SASH1: variants seen among roughly 807,000 people sequenced by gnomAD.
SASH1 encodes SAM and SH3 domain containing 1.
A neutral mutation model predicts 125.2 loss-of-function variants in SASH1; 44 were observed. The observed-to-expected ratio is 0.35, with a 90% CI of 0.28 to 0.45. The LOEUF (loss-of-function observed/expected upper bound fraction) is 0.45. SASH1 is among the 20% of genes least tolerant of loss of function. The probability of loss-of-function intolerance (pLI) is 1.00; values close to 1 mark genes in which losing one functional copy is unlikely to be tolerated. For missense variants in SASH1, 1,426 were observed against 1,614.5 expected, an observed-to-expected ratio of 0.88 and a Z score of 2.00; for synonymous variants, 639 against 649.1, an observed-to-expected ratio of 0.98 and a Z score of 0.24.
chr6:148,352,227 G>A (rs774336363), intron 1 of SASH1, among the ~76,000 whole-genome samples: 3 of 152,138 alleles, frequency 2.0e-5, no homozygotes, highest in Non-Finnish European at 4.4e-5. Context: ...TAATTATTCT[G>A]TACCTCAGTT....
At chr6:148,370,075 C>G (rs1025746375) in intron 1 of SASH1, among the ~76,000 whole-genome samples, 4 of 141,166 alleles carry the variant, frequency 2.8e-5, no homozygotes, top group African/African-American at 7.9e-5. Context: ...TTGTTAATAA[C>G]AAATAGCATT....
At chr6:148,542,517 G>C (rs962598269) in intron 17 of SASH1, among the ~76,000 whole-genome samples, 3 of 152,166 alleles carry the variant, frequency 2.0e-5, no homozygotes, top group Non-Finnish European at 4.4e-5. Flanking sequence ...CTCCCGAGTA[G>C]CTGGGACTAC....
At chr6:148,444,805 A>G (rs1428333081) in intron 4 of SASH1, among the ~76,000 whole-genome samples, 1 of 152,244 alleles carries the variant, frequency 6.6e-6, no homozygotes, top group East Asian at 1.9e-4. Flanking sequence ...AAGCAAGTTT[A>G]TCAGAGAAGT....
chr6:148,412,726 A>G (rs561120680), intron 2 of SASH1, among the ~76,000 whole-genome samples: 53 of 152,262 alleles, frequency 3.5e-4, no homozygotes, highest in Non-Finnish European at 5.7e-4. Flanking sequence ...ATCCACCCCC[A>G]TGACCCAAAC....
intron 2 of SASH1, among the ~76,000 whole-genome samples, chr6:148,417,390 T>C (rs1021216819): frequency 4.0e-5 from 6 of 151,880 alleles, no homozygotes; most frequent in African/African-American, 1.5e-4. Context: ...ATTGAGACCA[T>C]CCTGGCCAAC....
chr6:148,355,887 A>G (rs111388518), intron 1 of SASH1, among the ~76,000 whole-genome samples: 89 of 152,218 alleles, frequency 5.8e-4, no homozygotes, highest in African/African-American at 1.7e-3. Flanking sequence ...AAAAATTTCA[A>G]TAGTTTTTGG....
chr6:148,501,257 C>G (rs2115268435), intron 8 of SASH1, among the ~76,000 whole-genome samples: 1 of 152,216 alleles, frequency 6.6e-6, no homozygotes, highest in African/African-American at 2.4e-5. Context: ...GTCATCGTGC[C>G]TGATACATGA....
At chr6:148,200,020 C>T in the SASH1 span, among the ~76,000 whole-genome samples, 2 of 152,130 alleles carry the variant, frequency 1.3e-5, no homozygotes, top group African/African-American at 4.8e-5. Flanking sequence ...TCATCTGCGA[C>T]CCTTGATGGA....
At chr6:148,290,329 G>T (rs1032576863) in intron 1 of SASH1, among the ~76,000 whole-genome samples, 2 of 151,654 alleles carry the variant, frequency 1.3e-5, no homozygotes, top group African/African-American at 2.4e-5. Context: ...GTTCTTGGCC[G>T]GGCGCGGTGG....
chr6:148,199,375 G>GAA, the SASH1 span, among the ~76,000 whole-genome samples: 1,115 of 123,544 alleles, frequency 9.0e-3, 7 homozygotes, highest in Non-Finnish European at 0.014. Flanking sequence ...TCCGTCTCAA[G>GAA]AAAAAAAAAA....
At chr6:148,313,293 C>T (rs1447927797) in intron 1 of SASH1, among the ~76,000 whole-genome samples, 1 of 152,150 alleles carries the variant, frequency 6.6e-6, no homozygotes, top group Non-Finnish European at 1.5e-5. Flanking sequence ...GGAGAAAATT[C>T]ATTAAGTGCA....
chr6:148,397,373 C>A (rs1784000075), intron 2 of SASH1, among the ~76,000 whole-genome samples: 1 of 152,024 alleles, frequency 6.6e-6, no homozygotes, highest in African/African-American at 2.4e-5. Flanking sequence ...GTAGTCCCAG[C>A]TACTTGGAGG....
chr6:148,274,536 G>C (rs559933210), intron 1 of SASH1, among the ~76,000 whole-genome samples: 1 of 152,146 alleles, frequency 6.6e-6, no homozygotes, highest in African/African-American at 2.4e-5. Context: ...AGCACATTTG[G>C]GTTTTTGTGC....
At chr6:148,259,506 C>T in the SASH1 span, among the ~76,000 whole-genome samples, 1 of 152,210 alleles carries the variant, frequency 6.6e-6, no homozygotes, top group Admixed American at 6.5e-5. Flanking sequence ...CCACGAAGAG[C>T]ATTCGGTCCT....
chr6:148,357,357 T>C (rs1167959622), intron 1 of SASH1, among the ~76,000 whole-genome samples: 1 of 152,198 alleles, frequency 6.6e-6, no homozygotes, highest in Non-Finnish European at 1.5e-5. Flanking sequence ...TCCAAACTCA[T>C]CTGTTTTACC....
At chr6:148,273,944 AT>A in intron 1 of SASH1, among the ~76,000 whole-genome samples, 1 of 152,348 alleles carries the variant, frequency 6.6e-6, no homozygotes. Flanking sequence ...TCTAGAAGAA[AT>A]GTCAGTTTGG....
At chr6:148,386,413 A>G (rs1783370929) in intron 1 of SASH1, among the ~76,000 whole-genome samples, 1 of 152,224 alleles carries the variant, frequency 6.6e-6, no homozygotes, top group Admixed American at 6.5e-5. Context: ...GACAGTTCAC[A>G]AACGTGAAAG....
intron 8 of SASH1, among the ~76,000 whole-genome samples, chr6:148,504,660 C>T (rs1362488909): frequency 6.6e-6 from 1 of 152,140 alleles, no homozygotes; most frequent in Non-Finnish European, 1.5e-5. Flanking sequence ...AGCCACAGGG[C>T]TGGGGAGTCT....
rs75149315 is a variant in SASH1 at position 148,544,736 on chromosome 6, G to T, written c.3266G>T (p.Arg1089Leu). 3.1e-6 allele frequency: 5 copies of T among 1,608,020 alleles called. No homozygotes were observed. Among genetic ancestry groups the T allele is most frequent in the Non-Finnish European group, 4.2e-6 (5 of 1,177,106 alleles). Residue 1089 changes from arginine (R) to leucine (L), a missense_variant, in exon 18 of 20, where the codon CGG (arginine) becomes CTG (leucine). Arg to Leu is a moderately radical substitution (Grantham distance 102). This residue lies in a region of SASH1 where 634 missense variants were observed against 694.4 expected (regional missense o/e 0.91). Transcript: ENST00000367467. The surrounding 1 kb of genome is among the most constrained non-coding windows in gnomAD (Gnocchi z 6.4). ...TTGACCAGGAAGGTCTCCTGTGCCC[G>T]GGGAGTGGATCTAGAAACGCTCACT... is the stretch of plus-strand genomic sequence containing the variant. ...PALTRKVSCA[R>L]GVDLETLTEN...
Sources: gnomAD v4.1 joint callset for allele counts (sites outside exome capture counted in the v4.1 genomes callset) on GRCh38, gnomAD v4.1.1 for gene constraint, gnomAD v4.1.1 regional missense constraint, Gnocchi (gnomAD v3.1) non-coding constraint, MANE v1.5 for transcripts, NCBI Gene and HGNC (gene_info 2026-07-23, HGNC 2026-07-21) for gene names.